Variants in SP3 observed in about 807,000 individuals in gnomAD.
SP3 encodes Sp3 transcription factor.
In SP3, 10 loss-of-function variants were observed where a neutral mutation model predicts 70.3. The ratio of observed to expected loss-of-function variants is 0.14; its 90% CI spans 0.09 to 0.24. The LOEUF (loss-of-function observed/expected upper bound fraction) is 0.24. SP3 is among the 10% of genes least tolerant of loss of function. The pLI is 1.00. For synonymous variants in SP3, 402 were observed against 333.5 expected (o/e 1.21, Z -2.24); for missense variants, 825 against 914.6 (o/e 0.90, Z 1.26).
chr2:173,934,763 G>T (rs1690166307), intron 4 of SP3, among the ~76,000 whole-genome samples: 1 of 151,892 alleles, frequency 6.6e-6, no homozygotes, highest in Non-Finnish European at 1.5e-5. Context: ...CAAATATAAG[G>T]TATTACCTTC....
chr2:173,913,038 A>T (rs780631814), intron 6 of SP3, 32 bp downstream of exon 6: 4 of 1,486,852 alleles, frequency 2.7e-6, no homozygotes, highest in Non-Finnish European at 3.6e-6. Flanking sequence ...CCTATAATTC[A>T]TTTTTGTCTG....
At chr2:173,953,174 C>G (rs562864654) in intron 4 of SP3, among the ~76,000 whole-genome samples, 1 of 152,358 alleles carries the variant, frequency 6.6e-6, no homozygotes, top group East Asian at 1.9e-4. Context: ...TCTTTAACTG[C>G]AAGTGCATGG....
intron 1 of SP3, 104 bp from the exon 2 acceptor site, chr2:173,964,657 G>C (rs924618038): frequency 4.0e-6 from 2 of 498,956 alleles, no homozygotes; most frequent in Non-Finnish European, 7.1e-6. Context: ...CCCGGACCCA[G>C]GCCCCTTCCC....
chr2:173,915,068 A>G (rs1689588673), intron 5 of SP3: 1 of 152,180 alleles, frequency 6.6e-6, no homozygotes, highest in Non-Finnish European at 1.5e-5. Context: ...TGCATTTCAC[A>G]AACTTAGCAA....
At chr2:173,959,915 G>C (rs570719622) in intron 3 of SP3, among the ~76,000 whole-genome samples, 6 of 152,088 alleles carry the variant, frequency 3.9e-5, no homozygotes, top group Non-Finnish European at 4.4e-5. Context: ...CTTTCTTACC[G>C]GACAATTAAC....
chr2:173,941,691 G>C (rs181686442), intron 4 of SP3, among the ~76,000 whole-genome samples: 4 of 152,322 alleles, frequency 2.6e-5, no homozygotes, highest in Admixed American at 1.3e-4. Flanking sequence ...TTTCATGGAA[G>C]CTCCTTCTGT....
chr2:173,904,552 T>C lies in SP3; in HGVS notation c.*5389A>G, dbSNP rs1490879161. On this transcript the variant is annotated 3_prime_UTR_variant, in exon 7 of 7. Transcript: ENST00000310015. ...ATCAGGAATCAAGAAAGCCATTTTC[T>C]TTTTCTTCTGGGGTTGAATGTCATC... Among the ~76,000 whole-genome samples, 1 of 152,180 alleles carries C rather than the reference T, an allele frequency of 6.6e-6. No individual in the cohort carries two copies. The highest frequency in any genetic ancestry group is 1.9e-4 in the East Asian group (1 of 5,198).
In SP3 at chr2:173,955,476, T is replaced by G; in HGVS notation, c.1036A>C (p.Thr346Pro). The G allele has an allele frequency of 6.2e-7, 1 of 1,614,190 alleles. No individual in the cohort carries two copies. The highest frequency in any genetic ancestry group is 1.1e-5 in the South Asian group (1 of 91,082). Reference protein sequence around the residue: ...SSQLPVTIDSTGILQQNTNSL... With the variant: ...SSQLPVTIDSPGILQQNTNSL... ...TTTGTGTTTTGTTGTAATATACCTG[T>G]ACTATCTATCGTAACAGGCAACTGT... is the stretch of plus-strand genomic sequence containing the variant. The change falls in exon 4 of 7, where the codon ACA becomes CCA. Residue 346 changes from threonine to proline, a missense_variant. Transcript: ENST00000310015.
In SP3 at chr2:173,931,260, G is replaced by T. The variant is rs562081891; in HGVS notation, c.1640-12475C>A. Among the ~76,000 whole-genome samples the T allele has an allele frequency of 2.0e-5, 3 of 152,298 alleles. No individual in the cohort carries two copies. In the South Asian group the frequency reaches 6.2e-4, roughly 32 times the overall value. ...ATGGTGGTTGCTGGCTAGGCGCGGT[G>T]GTTCACATCTGTAATTCCAGCACTT... On this transcript the variant is annotated intron_variant, in intron 4 of 6. Transcript: ENST00000310015.
At chr2:173,959,383 TAG>T (rs949230454) in intron 3 of SP3, among the ~76,000 whole-genome samples, 2 of 151,012 alleles carry the variant, frequency 1.3e-5, no homozygotes, top group Non-Finnish European at 2.9e-5. Flanking sequence ...TGTTTGATGT[TAG>T]ACTACTGGAA....
chr2:173,946,259 T>C (rs1477746907), intron 4 of SP3, among the ~76,000 whole-genome samples: 1 of 152,184 alleles, frequency 6.6e-6, no homozygotes. Context: ...GTTCATTATA[T>C]ATTGTTTTTG....
At chr2:173,937,793 T>G (rs958794480) in intron 4 of SP3, among the ~76,000 whole-genome samples, 2 of 152,168 alleles carry the variant, frequency 1.3e-5, no homozygotes, top group Admixed American at 6.5e-5. Flanking sequence ...CCACAAACTC[T>G]GGGACAATTC....
At position 173,955,069 on chromosome 2, in the gene SP3, A is replaced by G. The variant is rs757226992; in HGVS notation, c.1443T>C (p.Asn481=). 4 of 1,614,090 alleles carry G rather than the reference A, an allele frequency of 2.5e-6. No individual in the cohort carries two copies. Among genetic ancestry groups the G allele is most frequent in the African/African-American group, 2.7e-5 (2 of 74,928 alleles). ...TCAAAGTTATTTGTTGGGCAGCAGT[A>G]TTCTGTATTTGCAAATTCTGCAAGT... ...VQNLQNLQIQ[N]TAAQQITLTP... is the part of the protein sequence containing the mutation. The change falls in exon 4 of 7, where the codon AAT becomes AAC. Residue 481 remains asparagine (N), a synonymous_variant. Transcript: ENST00000310015.
intron 4 of SP3, among the ~76,000 whole-genome samples, chr2:173,921,524 T>C (rs1038808685): frequency 8.0e-6 from 1 of 125,512 alleles, no homozygotes; most frequent in Non-Finnish European, 1.6e-5. Context: ...GTCCCGTCAC[T>C]ATCCAAAAAC....
At chr2:173,952,468 C>G (rs147301770) in intron 4 of SP3, among the ~76,000 whole-genome samples, 1 of 152,118 alleles carries the variant, frequency 6.6e-6, no homozygotes, top group Non-Finnish European at 1.5e-5. Flanking sequence ...TTGGGACTCT[C>G]AACACATTGC....
chr2:173,928,076 G>A (rs529955292), intron 4 of SP3, among the ~76,000 whole-genome samples: 16 of 152,104 alleles, frequency 1.1e-4, no homozygotes, highest in Admixed American at 3.9e-4. Context: ...CCAGGTTACC[G>A]TACCCATCAT....
At chr2:173,964,287 G>A (rs1315437056) in intron 2 of SP3, 118 bp downstream of exon 2, 1 of 537,058 alleles carries the variant, frequency 1.9e-6, no homozygotes, top group Admixed American at 3.7e-5. Context: ...GGGGGGAGGG[G>A]AGTGGAGGGG....
chr2:173,911,880 A>G (rs1483799136), intron 6 of SP3, among the ~76,000 whole-genome samples: 1 of 132,446 alleles, frequency 7.6e-6, no homozygotes. Context: ...GTACAGTGGC[A>G]TGACCTTGGC....
intron 5 of SP3, chr2:173,916,512 GAAAC>G (rs1689622004): frequency 6.6e-6 from 1 of 151,634 alleles, no homozygotes. Flanking sequence ...CAAAAAAAAA[GAAAC>G]AATTCAAAAA....
Sources: allele counts gnomAD v4.1 joint callset (sites outside exome capture counted in the v4.1 genomes callset), GRCh38; gene constraint gnomAD v4.1.1; transcripts MANE v1.5; gene names NCBI Gene and HGNC (gene_info 2026-07-23, HGNC 2026-07-21).